THSD7B: variants seen among roughly 807,000 people sequenced by gnomAD.
THSD7B encodes the protein thrombospondin type 1 domain containing 7B.
A neutral mutation model predicts 213.6 loss-of-function variants in THSD7B; 138 were observed. The observed-to-expected ratio is 0.65, with a 90% CI of 0.56 to 0.74. The LOEUF (loss-of-function observed/expected upper bound fraction) is 0.74, where lower values mean the gene tolerates loss of function less well. Among genes scored for constraint, THSD7B ranks in the 30% least tolerant of loss-of-function variants. The pLI, the probability that THSD7B is intolerant of heterozygous loss-of-function variation, is 0.00. For synonymous variants in THSD7B, 742 were observed against 687.0 expected (o/e 1.08, Z -1.25); for missense variants, 1,931 against 1,991.5 (o/e 0.97, Z 0.58).
At chr2:136,837,099 TG>T (rs1399340909) in intron 1 of THSD7B, among the ~76,000 whole-genome samples, 1 of 152,248 alleles carries the variant, frequency 6.6e-6, no homozygotes, top group Non-Finnish European at 1.5e-5. Context: ...AAGATCTCTC[TG>T]TGTCCACTCT....
chr2:137,362,649 A>T (rs1192344588), intron 12 of THSD7B, among the ~76,000 whole-genome samples: 1 of 152,246 alleles, frequency 6.6e-6, no homozygotes, highest in Non-Finnish European at 1.5e-5. Flanking sequence ...AGGCCATTAC[A>T]TAATGGTAAA....
At chr2:137,506,080 C>T (rs1387626970) in intron 15 of THSD7B, among the ~76,000 whole-genome samples, 2 of 152,104 alleles carry the variant, frequency 1.3e-5, no homozygotes, top group African/African-American at 4.8e-5. Flanking sequence ...GAAGGGGACT[C>T]CTCCTGAGGA....
intron 3 of THSD7B, among the ~76,000 whole-genome samples, chr2:137,073,472 T>G (rs958582075): frequency 1.2e-4 from 18 of 152,166 alleles, no homozygotes; most frequent in African/African-American, 4.3e-4. Flanking sequence ...TATTTGATTC[T>G]TCTCTCTTTT....
intron 1 of THSD7B, among the ~76,000 whole-genome samples, chr2:136,855,692 G>A (rs1381833493): frequency 6.6e-6 from 1 of 151,396 alleles, no homozygotes; most frequent in Non-Finnish European, 1.5e-5. Context: ...AGCTGGTCTC[G>A]AACTCCTGAC....
chr2:137,206,431 G>T (rs1680985304), intron 7 of THSD7B, among the ~76,000 whole-genome samples: 1 of 152,016 alleles, frequency 6.6e-6, no homozygotes, highest in Admixed American at 6.6e-5. Flanking sequence ...GTAGCTAGTT[G>T]CCACTCAGAG....
chr2:137,154,472 TTAAAC>T (rs1679875684), intron 5 of THSD7B, among the ~76,000 whole-genome samples: 1 of 152,164 alleles, frequency 6.6e-6, no homozygotes, highest in Non-Finnish European at 1.5e-5. Flanking sequence ...CTTCCTGTAT[TTAAAC>T]TAAAGAGGGA....
chr2:137,407,436 T>A (rs574317240), intron 13 of THSD7B, among the ~76,000 whole-genome samples: 1 of 152,214 alleles, frequency 6.6e-6, no homozygotes, highest in African/African-American at 2.4e-5. Flanking sequence ...TACATGAGTT[T>A]TTTTAAAAAA....
chr2:137,671,644 G>A lies in THSD7B; in HGVS notation c.4739+3783G>A, dbSNP rs183593052. Among the ~76,000 whole-genome samples, 332 of 152,280 alleles carry A rather than the reference G, an allele frequency of 2.2e-3. 1 individual carries two copies. Among genetic ancestry groups the A allele is most frequent in the South Asian group, 6.6e-3 (32 of 4,828 alleles). On this transcript the variant is annotated intron_variant, in intron 27 of 27. Transcript: ENST00000409968. ...CTTTTGACAACTCACTCGCTATCAT[G>A]AGAACACCATGGGGGAAGCGATGAT... is the stretch of plus-strand genomic sequence containing the variant.
chr2:137,377,632 CT>C (rs113931649), intron 12 of THSD7B, among the ~76,000 whole-genome samples: 330 of 145,276 alleles, frequency 2.3e-3, no homozygotes, highest in African/African-American at 5.8e-3. Context: ...ATAAAATTCA[CT>C]TTTTTTTTTT....
At chr2:137,362,858 C>A (rs1461631253) in intron 12 of THSD7B, among the ~76,000 whole-genome samples, 2 of 152,086 alleles carry the variant, frequency 1.3e-5, no homozygotes, top group Non-Finnish European at 1.5e-5. Context: ...ATATGCAGGA[C>A]TTGAACTCAG....
chr2:136,941,061 T>C (rs1022750440), intron 2 of THSD7B, among the ~76,000 whole-genome samples: 2 of 152,122 alleles, frequency 1.3e-5, no homozygotes, highest in African/African-American at 4.8e-5. Flanking sequence ...TGTGTCCAAG[T>C]GTTCTCATTG....
chr2:136,769,754 A>G (rs984334008), intron 1 of THSD7B, among the ~76,000 whole-genome samples: 2 of 152,188 alleles, frequency 1.3e-5, no homozygotes, highest in Non-Finnish European at 2.9e-5. Flanking sequence ...TTTGACGTTA[A>G]AAAGAAGAGG....
chr2:137,581,778 A>AAAT (rs1681584026), intron 17 of THSD7B, among the ~76,000 whole-genome samples: 1 of 148,926 alleles, frequency 6.7e-6, no homozygotes, highest in Admixed American at 6.6e-5. Context: ...AAATAAAAAA[A>AAAT]AAAAAAATAA....
chr2:136,916,597 G>A (rs1270864802), intron 2 of THSD7B, among the ~76,000 whole-genome samples: 9 of 152,260 alleles, frequency 5.9e-5, no homozygotes, highest in Non-Finnish European at 8.8e-5. Flanking sequence ...TCCACGGAGC[G>A]TTTTATTGTA....
At chr2:137,157,442 C>T (rs62172322) in intron 5 of THSD7B, among the ~76,000 whole-genome samples, 1,934 of 152,210 alleles carry the variant, frequency 0.013, 26 homozygotes, top group Non-Finnish European at 0.02. Flanking sequence ...GGAGCAAAGC[C>T]GGGGCTGTTT....
chr2:137,186,354 G>A (rs71419526), intron 7 of THSD7B, among the ~76,000 whole-genome samples: 10,503 of 152,042 alleles, frequency 0.069, 384 homozygotes, highest in African/African-American at 0.094. Context: ...TAAGAATTTT[G>A]TAGTTTGAGG....
chr2:137,635,814 C>T (rs1055618045), intron 20 of THSD7B, among the ~76,000 whole-genome samples: 5 of 151,970 alleles, frequency 3.3e-5, no homozygotes, highest in African/African-American at 1.2e-4. Flanking sequence ...AAGTGATCTT[C>T]CTGTCTCAGC....
chr2:137,160,303 T>A lies in THSD7B; in HGVS notation c.1460T>A (p.Val487Glu), dbSNP rs760344521. ...CNIPCSTDCI[V>E]SSWSAWGLCI... is the part of the protein sequence containing the mutation. Reference sequence around the variant, plus strand: ...ATCCCTTGCTCTACGGACTGCATAGTATCTTCCTGGTCAGCCTGGGGCCTG... The same window carrying A: ...ATCCCTTGCTCTACGGACTGCATAGAATCTTCCTGGTCAGCCTGGGGCCTG... Residue 487 changes from valine (V) to glutamate (E), a missense_variant, in exon 6 of 28, where the codon GTA (valine) becomes GAA (glutamate). Coordinates refer to ENST00000409968, the MANE Select transcript of THSD7B (RefSeq NM_001316349.2). The A allele has an allele frequency of 9.3e-6, 15 of 1,613,736 alleles. No homozygotes were observed. The highest frequency in any genetic ancestry group is 1.3e-5 in the Non-Finnish European group (15 of 1,179,740).
intron 1 of THSD7B, among the ~76,000 whole-genome samples, chr2:136,826,905 A>G (rs572199945): frequency 2.1e-4 from 32 of 152,312 alleles, no homozygotes; most frequent in South Asian, 1.2e-3. Flanking sequence ...ATGTCTGTGT[A>G]GACTTAGTGA....
Sources: gnomAD v4.1 joint callset for allele counts (sites outside exome capture counted in the v4.1 genomes callset) on GRCh38, gnomAD v4.1.1 for gene constraint, MANE v1.5 for transcripts, NCBI Gene and HGNC (gene_info 2026-07-23, HGNC 2026-07-21) for gene names.